Variants in PCP4 observed in about 807,000 individuals in gnomAD.
The protein encoded by PCP4 is Purkinje cell protein 4, also known as calmodulin regulator protein PCP4.
In PCP4, 8 loss-of-function variants were observed where a neutral mutation model predicts 10.0. The observed-to-expected ratio is 0.80, with a 90% CI of 0.47 to 1.45. PCP4 has a LOEUF of 1.45. Ranked by LOEUF, PCP4 falls within the 40% of genes most tolerant of loss-of-function variation. The probability of loss-of-function intolerance (pLI) is 0.00; values close to 1 mark genes in which losing one functional copy is unlikely to be tolerated. For synonymous variants in PCP4, 21 were observed against 23.0 expected, an observed-to-expected ratio of 0.91 and a Z score of 0.24; for missense variants, 54 against 74.4, an observed-to-expected ratio of 0.73 and a Z score of 1.01.
chr21:39,886,511 A>G (rs576875962), intron 1 of PCP4, among the ~76,000 whole-genome samples: 22 of 152,360 alleles, frequency 1.4e-4, no homozygotes, highest in African/African-American at 5.3e-4. Flanking sequence ...AGGCTGAGGC[A>G]GGAGAATTGC....
intron 1 of PCP4, among the ~76,000 whole-genome samples, chr21:39,897,129 C>A (rs2299758): frequency 0.14 from 20,922 of 152,074 alleles, 1,572 homozygotes; most frequent in Middle Eastern, 0.24. Context: ...GTGGCTCATG[C>A]CTGTAATCCC....
At chr21:39,874,258 G>A (rs1281543302) in intron 1 of PCP4, among the ~76,000 whole-genome samples, 1 of 152,140 alleles carries the variant, frequency 6.6e-6, no homozygotes, top group Non-Finnish European at 1.5e-5. Flanking sequence ...CTTGGACTTG[G>A]ATGAGACTAA....
At chr21:39,928,950 T>C in intron 2 of PCP4, 34 bp from the exon 3 acceptor site, 5 of 1,601,246 alleles carry the variant, frequency 3.1e-6, no homozygotes, top group Non-Finnish European at 4.3e-6. Flanking sequence ...TTCAGCTCAG[T>C]GATTGCCTTC....
At chr21:39,883,323 G>A (rs532274990) in intron 1 of PCP4, 2 of 152,294 alleles carry the variant, frequency 1.3e-5, no homozygotes, top group African/African-American at 4.8e-5. Flanking sequence ...CCAACCTCTG[G>A]TTTGGGGAGA....
Position 39,867,457 on chromosome 21 carries a change from T to G in PCP4, c.-45T>G, listed in dbSNP as rs779325605. 5.0e-6 allele frequency: 8 copies of G among 1,612,974 alleles called. No homozygotes were observed. The East Asian group carries it at 1.6e-4, about 31-fold the overall frequency. The stretch of plus-strand genomic sequence containing the variant: ...TGGAGCAGCGACCCCTGAGCAGTGT[T>G]CTCTGTGCTGAGCGGCGGGACTGAG... On this transcript the variant is annotated 5_prime_UTR_variant, in exon 1 of 3. Transcript: ENST00000328619.
chr21:39,905,757 A>T (rs998897081), intron 2 of PCP4, among the ~76,000 whole-genome samples: 1 of 152,126 alleles, frequency 6.6e-6, no homozygotes, highest in Admixed American at 6.5e-5. Context: ...TGCATAGTTT[A>T]AAAAAATGTG....
At chr21:39,902,690 T>G (rs550923809) in intron 2 of PCP4, among the ~76,000 whole-genome samples, 1 of 152,342 alleles carries the variant, frequency 6.6e-6, no homozygotes, top group African/African-American at 2.4e-5. Flanking sequence ...TGGTATCATC[T>G]GCTGTAGGAA....
At chr21:39,884,984 A>T (rs1399433862) in intron 1 of PCP4, among the ~76,000 whole-genome samples, 1 of 152,200 alleles carries the variant, frequency 6.6e-6, no homozygotes, top group African/African-American at 2.4e-5. Flanking sequence ...GTATAGCATG[A>T]TCATATCAGC....
At chr21:39,895,932 G>A (rs900145717) in intron 1 of PCP4, among the ~76,000 whole-genome samples, 2 of 152,174 alleles carry the variant, frequency 1.3e-5, no homozygotes, top group South Asian at 4.1e-4. Context: ...TCTGAAATGA[G>A]ATACTTTCAA....
rs569184436 is a variant in PCP4, at chr21:39,882,283, C to T, written c.9+14773C>T. On this transcript the variant is annotated intron_variant, in intron 1 of 2. Transcript: ENST00000328619. Reference sequence around the variant, plus strand: ...AGCGGTACATTACGCTTGGCTCAACCGTGGCAGAGCCAATGTGGCCATGGT... The same window carrying T: ...AGCGGTACATTACGCTTGGCTCAACTGTGGCAGAGCCAATGTGGCCATGGT... Among the ~76,000 whole-genome samples, 9 of 152,318 alleles carry T rather than the reference C, an allele frequency of 5.9e-5. No individual in the cohort carries two copies. The South Asian group carries it at 8.3e-4, about 14-fold the overall frequency.
Position 39,923,285 on chromosome 21 carries a change from C to T in PCP4, c.62-5699C>T, listed in dbSNP as rs535325686. ...AGGTTCTCAGAACTCCAGCCTGCCA[C>T]GTGGTCAGGCAGCCTTGATGGGCAG... is the stretch of plus-strand genomic sequence containing the variant. On this transcript the variant is annotated intron_variant, in intron 2 of 2. Coordinates refer to ENST00000328619, the MANE Select transcript of PCP4 (RefSeq NM_006198.3). Among the ~76,000 whole-genome samples, 34 of 152,304 alleles carry T rather than the reference C, an allele frequency of 2.2e-4. No individual in the cohort carries two copies. The South Asian group carries it at 4.6e-3, about 20-fold the overall frequency.
intron 2 of PCP4, among the ~76,000 whole-genome samples, chr21:39,919,748 G>T (rs890231765): frequency 4.3e-4 from 65 of 150,040 alleles, no homozygotes; most frequent in African/African-American, 1.5e-3. Flanking sequence ...TGTAGTGTGT[G>T]GTGTGTAATG....
intron 2 of PCP4, among the ~76,000 whole-genome samples, chr21:39,924,779 C>A (rs1236648246): frequency 6.6e-6 from 1 of 152,224 alleles, no homozygotes; most frequent in African/African-American, 2.4e-5. Flanking sequence ...GTCTCAGACT[C>A]TCACCTCAGT....
chr21:39,901,066 TA>T (rs1698781917), intron 2 of PCP4, among the ~76,000 whole-genome samples: 1 of 152,234 alleles, frequency 6.6e-6, no homozygotes, highest in South Asian at 2.1e-4. Flanking sequence ...CAACTCTCTT[TA>T]AAGTCTGGTT....
At chr21:39,922,278 G>A (rs1487823250) in intron 2 of PCP4, among the ~76,000 whole-genome samples, 1 of 152,156 alleles carries the variant, frequency 6.6e-6, no homozygotes, top group Non-Finnish European at 1.5e-5. Flanking sequence ...ATCTACTTGA[G>A]TATATGAGGG....
chr21:39,895,664 A>T (rs1319175919), intron 1 of PCP4, among the ~76,000 whole-genome samples: 1 of 152,208 alleles, frequency 6.6e-6, no homozygotes, highest in Non-Finnish European at 1.5e-5. Context: ...TGAAGACACT[A>T]AGGGCATCTA....
intron 2 of PCP4, among the ~76,000 whole-genome samples, chr21:39,925,488 A>T (rs948374373): frequency 2.0e-5 from 3 of 152,254 alleles, no homozygotes; most frequent in African/African-American, 7.2e-5. Flanking sequence ...AGGCGGACAA[A>T]GTCCCGGGCC....
chr21:39,873,078 T>C (rs2087328476), intron 1 of PCP4, among the ~76,000 whole-genome samples: 2 of 152,174 alleles, frequency 1.3e-5, no homozygotes, highest in South Asian at 4.1e-4. Context: ...TTCCCTGTTG[T>C]CTCCATTGAG....
intron 2 of PCP4, among the ~76,000 whole-genome samples, chr21:39,926,936 C>T (rs2087624583): frequency 6.6e-6 from 1 of 152,204 alleles, no homozygotes; most frequent in Admixed American, 6.5e-5. Flanking sequence ...GAAGCACCCC[C>T]ATCCCCTGCC....
Sources: allele counts gnomAD v4.1 joint callset (sites outside exome capture counted in the v4.1 genomes callset), GRCh38; gene constraint gnomAD v4.1.1; transcripts MANE v1.5; gene names NCBI Gene and HGNC (gene_info 2026-07-23, HGNC 2026-07-21).